SLC22A13: variants seen among roughly 807,000 people sequenced by gnomAD.
SLC22A13 encodes organic anion transporter 10.
Under a neutral mutation model 49.1 loss-of-function variants are expected in SLC22A13, and 42 were observed. The observed-to-expected ratio is 0.85, with a 90% confidence interval of 0.67 to 1.11. SLC22A13 has a LOEUF of 1.11. Among genes scored for constraint, SLC22A13 ranks in the 50% least tolerant of loss-of-function variants. The probability of loss-of-function intolerance (pLI) is 0.00; values close to 1 mark genes in which losing one functional copy is unlikely to be tolerated. For missense variants in SLC22A13, 694 were observed against 712.8 expected (o/e 0.97, Z 0.30); for synonymous variants, 282 against 293.1 (o/e 0.96, Z 0.39).
rs571314516 is a variant in SLC22A13 at position 38,275,371 on chromosome 3, G to A, written c.808G>A (p.Ala270Thr). 2.5e-6 allele frequency: 4 copies of A among 1,614,038 alleles called. No individual in the cohort carries two copies. The highest frequency in any genetic ancestry group is 3.4e-6 in the Non-Finnish European group (4 of 1,180,030). Residue 270 changes from alanine to threonine, a missense_variant and splice_region_variant, in exon 5 of 10, where the codon GCT becomes ACT. By Grantham distance (58) the Ala-to-Thr change is moderately conservative (BLOSUM62 0). Transcript: ENST00000311856. The stretch of plus-strand genomic sequence containing the variant: ...GTCATAGCCGTTGCTGACCCACAGG[G>A]CTCTGCCAGAATCTGCACGTTGGCT... ...PGLLLFFYFW[A>T]LPESARWLLT...
chr3:38,266,918 TC>T (rs1703469285), intron 1 of SLC22A13, among the ~76,000 whole-genome samples: 1 of 152,144 alleles, frequency 6.6e-6, no homozygotes, highest in Admixed American at 6.5e-5. Flanking sequence ...CTCTGTTGCT[TC>T]CCAGATGTTG....
chr3:38,274,641 C>T lies in SLC22A13; in HGVS notation c.520C>T (p.Leu174Phe), dbSNP rs781720904. 1 of 1,614,134 alleles carries T rather than the reference C, an allele frequency of 6.2e-7. No individual in the cohort carries two copies. Among genetic ancestry groups the T allele is most frequent in the African/African-American group, 1.3e-5 (1 of 75,072 alleles). Reference sequence around the variant, plus strand: ...GGCCACAATCCTGGCGCAGCTGCTCCTCTTCACCCTCATCGGCCTGGCCAC... The same window carrying T: ...GGCCACAATCCTGGCGCAGCTGCTCTTCTTCACCCTCATCGGCCTGGCCAC... Reference protein sequence around the residue: ...RKATILAQLLLFTLIGLATAF... With the variant: ...RKATILAQLLFFTLIGLATAF... Residue 174 changes from leucine to phenylalanine, a missense_variant, in exon 3 of 10, where the codon CTC becomes TTC. Transcript: ENST00000311856.
At chr3:38,274,943 G>A (rs1232798759) in intron 3 of SLC22A13, 46 bp from the exon 4 acceptor site, 11 of 1,601,852 alleles carry the variant, frequency 6.9e-6, no homozygotes, top group Non-Finnish European at 2.6e-6. Flanking sequence ...GTAATGGGGA[G>A]TGAATGGCAG....
chr3:38,269,708 TTTTTA>T (rs1051378455), intron 1 of SLC22A13, among the ~76,000 whole-genome samples: 6 of 152,132 alleles, frequency 3.9e-5, no homozygotes, highest in African/African-American at 1.4e-4. Flanking sequence ...CAGCATTCTT[TTTTTA>T]TTTTATTTTA....
At chr3:38,269,808 T>G (rs1468533399) in intron 1 of SLC22A13, among the ~76,000 whole-genome samples, 1 of 151,990 alleles carries the variant, frequency 6.6e-6, no homozygotes, top group African/African-American at 2.4e-5. Flanking sequence ...ACTGGTGTGC[T>G]GCACCCATTA....
rs149591926 is a variant in SLC22A13 at position 38,274,677 on chromosome 3, C to T, written c.556C>T (p.Pro186Ser). The T allele has an allele frequency of 1.9e-6, 3 of 1,614,132 alleles. No individual in the cohort carries two copies. The highest frequency in any genetic ancestry group is 1.3e-5 in the African/African-American group (1 of 75,070). ...TLIGLATAFV[P>S]SFELYMALRF... Reference sequence around the variant, plus strand: ...CATCGGCCTGGCCACAGCTTTTGTGCCCAGCTTTGAGCTCTACATGGCCCT... The same window carrying T: ...CATCGGCCTGGCCACAGCTTTTGTGTCCAGCTTTGAGCTCTACATGGCCCT... Residue 186 changes from proline to serine, a missense_variant, in exon 3 of 10, where the codon CCC becomes TCC. Coordinates refer to ENST00000311856, the MANE Select transcript of SLC22A13 (RefSeq NM_004256.4).
At chr3:38,275,236 C>A in intron 4 of SLC22A13, 79 bp downstream of exon 4, 1 of 1,592,888 alleles carries the variant, frequency 6.3e-7, no homozygotes. Flanking sequence ...CACCCATGTT[C>A]ATAGGACAGT....
At chr3:38,275,195 T>G in intron 4 of SLC22A13, 38 bp downstream of exon 4, 1 of 1,611,134 alleles carries the variant, frequency 6.2e-7, no homozygotes, top group Non-Finnish European at 8.5e-7. Flanking sequence ...CCCCCCCAGG[T>G]TAGTTGTGTT....
Position 38,275,689 on chromosome 3 carries a change from C to T in SLC22A13, c.1022+17C>T, listed in dbSNP as rs200807348. ...CTGTGTCTGGTGAGTGCCCAGAACCCGAGGACAGAACCACAGGGCTGCAGC... is the reference window on the plus strand; with the variant it reads ...CTGTGTCTGGTGAGTGCCCAGAACCTGAGGACAGAACCACAGGGCTGCAGC... On this transcript the variant is annotated intron_variant, in intron 6 of 9. Transcript: ENST00000311856. The T allele has an allele frequency of 3.8e-5, 62 of 1,610,616 alleles. No individual in the cohort carries two copies. In the South Asian group the frequency reaches 4.4e-4, roughly 11 times the overall value.
In SLC22A13 at chr3:38,278,365, T is replaced by G. The variant is rs148525944; in HGVS notation, c.*900T>G. 61 of 152,486 alleles carry G rather than the reference T, an allele frequency of 4.0e-4. No homozygotes were observed. The highest frequency in any genetic ancestry group is 1.2e-3 in the African/African-American group (48 of 41,590). The allele number at this position is 152,486 out of a possible 1,614,324, so 9.4% of individuals were successfully genotyped here. On this transcript the variant is annotated 3_prime_UTR_variant, in exon 10 of 10. Coordinates refer to ENST00000311856, the MANE Select transcript of SLC22A13 (RefSeq NM_004256.4). ...AAAGCTGCCTTTTCCACGGGCCATC[T>G]TCTTGGGCTTCTCAGAGATCTTCTC...
In SLC22A13 at chr3:38,275,170, CA is replaced by C. The variant is rs777608592; in HGVS notation, c.806+14del. ...TCTTCTACTTCTGGTGAGGAAAATACATGCCAGGAGCAAGCCCCCCCAGGTT... is the reference window on the plus strand; with the variant it reads ...TCTTCTACTTCTGGTGAGGAAAATACTGCCAGGAGCAAGCCCCCCCAGGTT... On this transcript the variant is annotated intron_variant, in intron 4 of 9. Coordinates refer to ENST00000311856, the MANE Select transcript of SLC22A13 (RefSeq NM_004256.4). 5.6e-6 allele frequency: 9 copies of C among 1,613,814 alleles called. No individual in the cohort carries two copies. In the African/African-American group the frequency reaches 1.2e-4, roughly 22 times the overall value.
At chr3:38,267,368 G>C (rs1319118840) in intron 1 of SLC22A13, among the ~76,000 whole-genome samples, 2 of 142,150 alleles carry the variant, frequency 1.4e-5, no homozygotes, top group African/African-American at 5.1e-5. Flanking sequence ...ATGCTCCCAG[G>C]CTCTGAGGCT....
chr3:38,275,220 G>A, intron 4 of SLC22A13, 63 bp downstream of exon 4: 1 of 1,596,376 alleles, frequency 6.3e-7, no homozygotes, highest in Non-Finnish European at 8.6e-7. Context: ...TGGGGTTGCA[G>A]TGCAGCACCC....
At position 38,275,043 on chromosome 3, in the gene SLC22A13, G is replaced by A. The variant is rs1277963783; in HGVS notation, c.692G>A (p.Cys231Tyr). Reference protein sequence around the residue: ...WRTQAVVLAQCNFSLGQMVLA... With the variant: ...WRTQAVVLAQYNFSLGQMVLA... Reference sequence around the variant, plus strand: ...ACGCAGGCCGTGGTCCTGGCCCAGTGCAACTTCTCCCTCGGGCAGATGGTG... The same window carrying A: ...ACGCAGGCCGTGGTCCTGGCCCAGTACAACTTCTCCCTCGGGCAGATGGTG... The change falls in exon 4 of 10, where the codon TGC becomes TAC. Residue 231 changes from cysteine (C) to tyrosine (Y), a missense_variant. Cys to Tyr is a radical substitution (Grantham distance 194). Transcript: ENST00000311856. 1 of 1,614,244 alleles carries A rather than the reference G, an allele frequency of 6.2e-7. No individual in the cohort carries two copies. Among genetic ancestry groups the A allele is most frequent in the Non-Finnish European group, 8.5e-7 (1 of 1,180,048 alleles).
Position 38,274,274 on chromosome 3 carries a change from C to G in SLC22A13, c.381C>G (p.Phe127Leu). The G allele has an allele frequency of 6.2e-7, 1 of 1,613,310 alleles. No homozygotes were observed. The highest frequency in any genetic ancestry group is 8.5e-7 in the Non-Finnish European group (1 of 1,179,230). The change falls in exon 2 of 10, where the codon TTC (phenylalanine) becomes TTG (leucine). Residue 127 changes from phenylalanine to leucine, a missense_variant and splice_region_variant. Coordinates refer to ENST00000311856, the MANE Select transcript of SLC22A13 (RefSeq NM_004256.4). ...ACATCTGCCTGTGTCTCCCTCAGTT[C>G]AACCTGGTTTGTGATCGGAAGCACC... Reference protein sequence around the residue: ...ENRLPSLKNEFNLVCDRKHLK... With the variant: ...ENRLPSLKNELNLVCDRKHLK...
Position 38,277,058 on chromosome 3 carries a change from T to G in SLC22A13, c.1493T>G (p.Leu498Arg). Residue 498 changes from leucine to arginine, a missense_variant, in exon 9 of 10, where the codon CTG becomes CGG. Physicochemically the swap from Leu to Arg is moderately radical, Grantham distance 102. Coordinates refer to ENST00000311856, the MANE Select transcript of SLC22A13 (RefSeq NM_004256.4). ...ATCGTGGCCGGCCTGCTGTGCACCC[T>G]GCTGCCAGAGACGCATGGCCAGGGC... ...LPIVAGLLCT[L>R]LPETHGQGLK... 1 of 1,593,318 alleles carries G rather than the reference T, an allele frequency of 6.3e-7. No homozygotes were observed. The highest frequency in any genetic ancestry group is 8.5e-7 in the Non-Finnish European group (1 of 1,169,972).
Position 38,265,865 on chromosome 3 carries a change from C to T in SLC22A13, c.5C>T (p.Ala2Val). 6.2e-7 allele frequency: 1 copy of T among 1,613,938 alleles called. No individual in the cohort carries two copies. The highest frequency in any genetic ancestry group is 8.5e-7 in the Non-Finnish European group (1 of 1,179,842). The change falls in exon 1 of 10, where the codon GCT becomes GTT. Residue 2 changes from alanine to valine, a missense_variant. By Grantham distance (64) the Ala-to-Val change is moderately conservative (BLOSUM62 0). Coordinates refer to ENST00000311856, the MANE Select transcript of SLC22A13 (RefSeq NM_004256.4). M[A>V]QFVQVLAEIG... ...AGGAGGTAGTGACTGGCATACATGG[C>T]TCAGTTTGTCCAGGTCCTGGCTGAA...
intron 1 of SLC22A13, among the ~76,000 whole-genome samples, chr3:38,266,534 T>G: frequency 6.6e-6 from 1 of 152,198 alleles, no homozygotes; most frequent in Non-Finnish European, 1.5e-5. Flanking sequence ...TGGTGTCCTC[T>G]CCTCTTTTCC....
chr3:38,275,126 G>C lies in SLC22A13; in HGVS notation c.775G>C (p.Ala259Pro). The C allele has an allele frequency of 6.2e-7, 1 of 1,614,256 alleles. No homozygotes were observed. Among genetic ancestry groups the C allele is most frequent in the Non-Finnish European group, 8.5e-7 (1 of 1,180,038 alleles). Residue 259 changes from alanine to proline, a missense_variant, in exon 4 of 10, where the codon GCG becomes CCG. Physicochemically the swap from Ala to Pro is conservative, Grantham distance 27. Transcript: ENST00000311856. ...GAGGCTCCTTCAGATCACCGGCACT[G>C]CGCCTGGCTTACTGCTCTTCTTCTA... is the stretch of plus-strand genomic sequence containing the variant. Reference protein sequence around the residue: ...NWRLLQITGTAPGLLLFFYFW... With the variant: ...NWRLLQITGTPPGLLLFFYFW...
Sources: allele counts gnomAD v4.1 joint callset (sites outside exome capture counted in the v4.1 genomes callset), GRCh38; gene constraint gnomAD v4.1.1; transcripts MANE v1.5; gene names NCBI Gene and HGNC (gene_info 2026-07-23, HGNC 2026-07-21).